Variants in BRPF3 observed in about 807,000 individuals in gnomAD.
BRPF3 encodes bromodomain and PHD finger containing 3, also known as bromodomain and PHD finger-containing protein 3.
Under a neutral mutation model 102.0 loss-of-function variants are expected in BRPF3, and 18 were observed. The observed-to-expected ratio is 0.18, with a 90% CI of 0.12 to 0.26. The LOEUF is 0.26. Among genes scored for constraint, BRPF3 ranks in the 10% least tolerant of loss-of-function variants. The probability of loss-of-function intolerance (pLI) is 1.00; values close to 1 mark genes in which losing one functional copy is unlikely to be tolerated. For synonymous variants in BRPF3, 570 were observed against 614.2 expected (o/e 0.93, Z 1.06); for missense variants, 1,147 against 1,567.8 (o/e 0.73, Z 4.53).
In BRPF3 at chr6:36,201,703, G is replaced by C; in HGVS notation, c.1381G>C (p.Glu461Gln). The change falls in exon 2 of 13, where the codon GAG (glutamate) becomes CAG (glutamine). Residue 461 changes from glutamate (E) to glutamine (Q), a missense_variant. Glu to Gln is a conservative substitution (Grantham distance 29). Transcript: ENST00000357641. The surrounding 1 kb of genome is among the most constrained non-coding windows in gnomAD (Gnocchi z 5.1). Reference sequence around the variant, plus strand: ...GAAGCAGAAGATCAAGAAGGAGCCAGAGGAAGCAGGCCAAGACACACCCTC... The same window carrying C: ...GAAGCAGAAGATCAAGAAGGAGCCACAGGAAGCAGGCCAAGACACACCCTC... ...SLKQKIKKEP[E>Q]EAGQDTPSTL... 1 of 1,614,130 alleles carries C rather than the reference G, an allele frequency of 6.2e-7. No individual in the cohort carries two copies. Among genetic ancestry groups the C allele is most frequent in the Admixed American group, 1.7e-5 (1 of 60,018 alleles).
At chr6:36,223,273 T>G (rs1768614852) in intron 10 of BRPF3, among the ~76,000 whole-genome samples, 1 of 152,218 alleles carries the variant, frequency 6.6e-6, no homozygotes, top group South Asian at 2.1e-4. Flanking sequence ...TCAGTTTCTT[T>G]CTCGTATGTG....
At chr6:36,227,192 T>A (rs543634921) in intron 11 of BRPF3, among the ~76,000 whole-genome samples, 1 of 152,324 alleles carries the variant, frequency 6.6e-6, no homozygotes, top group Admixed American at 6.5e-5. Flanking sequence ...TTTTTAATTT[T>A]TTCTGGCTCT....
chr6:36,211,915 C>T (rs1156907222), intron 7 of BRPF3, among the ~76,000 whole-genome samples: 1 of 152,136 alleles, frequency 6.6e-6, no homozygotes, highest in Non-Finnish European at 1.5e-5. Flanking sequence ...GCACCTGATA[C>T]AGCCGTATTG....
chr6:36,216,125 A>G (rs1173672749), intron 8 of BRPF3, among the ~76,000 whole-genome samples: 1 of 152,190 alleles, frequency 6.6e-6, no homozygotes. Flanking sequence ...CTGTGTAACG[A>G]CAGGAAAATT....
Position 36,218,013 on chromosome 6 carries a change from A to G in BRPF3, c.3083+3A>G, listed in dbSNP as rs200460540. The G allele has an allele frequency of 1.1e-4, 176 of 1,611,362 alleles. 1 individual carries two copies. The East Asian group carries it at 3.9e-3, about 36-fold the overall frequency. On this transcript the variant is annotated splice_donor_region_variant and intron_variant, in intron 9 of 12. Transcript: ENST00000357641. ...GGACTGGCATTTGAAGCTTGCAGGT[A>G]AGAACACATTCCCAAAGCTTTGTCA...
chr6:36,229,470 A>T (rs796980173), intron 12 of BRPF3, among the ~76,000 whole-genome samples: 39 of 152,230 alleles, frequency 2.6e-4, no homozygotes, highest in African/African-American at 8.9e-4. Flanking sequence ...GCCCTGAGGG[A>T]GGGGTGTGGC....
At chr6:36,206,730 C>T (rs759714897) in intron 3 of BRPF3, among the ~76,000 whole-genome samples, 4 of 152,192 alleles carry the variant, frequency 2.6e-5, no homozygotes, top group Non-Finnish European at 5.9e-5. Flanking sequence ...CTGATCTAAC[C>T]TCCACCTACT....
In BRPF3 at chr6:36,211,835, G is replaced by A. The variant is rs147517515; in HGVS notation, c.2482+275G>A. ...CCCCTGTTGTGGATATTTAGTTGCT[G>A]GATTGTGGGGAGTTTCAGGTGCTGC... On this transcript the variant is annotated intron_variant, in intron 7 of 12. Transcript: ENST00000357641. Among the ~76,000 whole-genome samples the A allele has an allele frequency of 4.5e-4, 69 of 152,280 alleles. 1 individual carries two copies. The East Asian group carries it at 0.013, about 28-fold the overall frequency.
chr6:36,199,120 C>T (rs1443551013), intron 1 of BRPF3, among the ~76,000 whole-genome samples: 8 of 152,180 alleles, frequency 5.3e-5, no homozygotes, highest in South Asian at 2.1e-4. Context: ...ACCCCCAGGC[C>T]GCAGACTGTG....
chr6:36,201,609 A>C lies in BRPF3; in HGVS notation c.1287A>C (p.Glu429Asp). 3 of 1,614,144 alleles carry C rather than the reference A, an allele frequency of 1.9e-6. No homozygotes were observed. The highest frequency in any genetic ancestry group is 8.5e-7 in the Non-Finnish European group (1 of 1,179,994). Residue 429 changes from glutamate to aspartate, a missense_variant, in exon 2 of 13, where the codon GAA (glutamate) becomes GAC (aspartate). Glu to Asp is a conservative substitution (Grantham distance 45). Around this residue, in one of 11 missense-constraint regions of BRPF3, gnomAD observed 157 missense variants for 163.6 expected, o/e 0.96. Coordinates refer to ENST00000357641, the MANE Select transcript of BRPF3 (RefSeq NM_015695.3). This position sits in a 1 kb window ranked among gnomAD's most constrained non-coding sequence, Gnocchi z 5.1. ...EEEEEEEVEEEEQEAQGGVSG... is the reference protein window; with the variant it reads ...EEEEEEEVEEDEQEAQGGVSG... Reference sequence around the variant, plus strand: ...AAGAAGAGGAAGAGGTGGAGGAAGAAGAGCAGGAAGCTCAAGGCGGGGTGA... The same window carrying C: ...AAGAAGAGGAAGAGGTGGAGGAAGACGAGCAGGAAGCTCAAGGCGGGGTGA...
chr6:36,208,264 G>A (rs1242302089), intron 4 of BRPF3, among the ~76,000 whole-genome samples: 2 of 152,142 alleles, frequency 1.3e-5, no homozygotes, highest in African/African-American at 4.8e-5. Context: ...TTAATTAAGT[G>A]GATGAAAAGC....
chr6:36,202,417 C>G (rs556775150), intron 2 of BRPF3, among the ~76,000 whole-genome samples: 5 of 140,692 alleles, frequency 3.6e-5, no homozygotes, highest in Admixed American at 2.1e-4. Context: ...TGGACCCCCC[C>G]CCCCTCCGCC....
intron 7 of BRPF3, among the ~76,000 whole-genome samples, chr6:36,212,909 C>T (rs913162878): frequency 1.3e-5 from 2 of 151,936 alleles, no homozygotes; most frequent in East Asian, 3.9e-4. Context: ...GCCGAGATTG[C>T]GCCACTGTAG....
chr6:36,215,389 C>T (rs1231655272), intron 8 of BRPF3, among the ~76,000 whole-genome samples: 1 of 152,216 alleles, frequency 6.6e-6, no homozygotes, highest in African/African-American at 2.4e-5. Context: ...GGATTACAGG[C>T]ATGAGCCACC....
chr6:36,210,132 TGAG>T lies in BRPF3; in HGVS notation c.1867-79_1867-77del, dbSNP rs1265281213. ...AGCCTGGCATGGCCAAATCAGAAAT[TGAG>T]GAGGCCAAGAGTATTGGTGAAGGGT... On this transcript the variant is annotated intron_variant, in intron 5 of 12. Transcript: ENST00000357641. The surrounding 1 kb of genome is among the most constrained non-coding windows in gnomAD (Gnocchi z 4.7). 15 of 1,540,208 alleles carry T rather than the reference TGAG, an allele frequency of 9.7e-6. No individual in the cohort carries two copies. Among genetic ancestry groups the T allele is most frequent in the Admixed American group, 6.9e-5 (4 of 57,658 alleles).
intron 9 of BRPF3, among the ~76,000 whole-genome samples, chr6:36,219,376 G>A (rs1768452046): frequency 3.9e-5 from 6 of 152,182 alleles, no homozygotes; most frequent in Admixed American, 3.9e-4. Context: ...CTTACACGAT[G>A]CTTCTAGCCT....
In BRPF3 at chr6:36,228,991, G is replaced by C. The variant is rs532762364; in HGVS notation, c.3369G>C (p.Glu1123Asp). ...CGCTGGACGTGCTGAAGCTGGGAGA[G>C]CAGAAACAGGCAGAGGCTGGAGAGA... ...VPPLDVLKLG[E>D]QKQAEAGEKL... is the part of the protein sequence containing the mutation. The change falls in exon 12 of 13, where the codon GAG (glutamate) becomes GAC (aspartate). Residue 1123 changes from glutamate (E) to aspartate (D), a missense_variant. Physicochemically the swap from Glu to Asp is conservative, Grantham distance 45. This residue lies in a region of BRPF3 where 85 missense variants were observed against 172.9 expected (regional missense o/e 0.49). Transcript: ENST00000357641. 1 of 1,614,236 alleles carries C rather than the reference G, an allele frequency of 6.2e-7. No homozygotes were observed. Among genetic ancestry groups the C allele is most frequent in the East Asian group, 2.2e-5 (1 of 44,884 alleles).
At chr6:36,197,447 ATGT>A (rs1158527465) in intron 1 of BRPF3, 1 of 152,026 alleles carries the variant, frequency 6.6e-6, no homozygotes, top group Non-Finnish European at 1.5e-5. Flanking sequence ...CTCTGAGGAG[ATGT>A]TATTTCCCTC....
Position 36,214,045 on chromosome 6 carries a change from T to C in BRPF3, c.2648T>C (p.Leu883Ser). The stretch of plus-strand genomic sequence containing the variant: ...AGAAAGGTGGAAGAAGATGAGCTCT[T>C]GGAAAAATCACCACTGCAGCTAGGG... ...KPRKVEEDEL[L>S]EKSPLQLGNE... Residue 883 changes from leucine to serine, a missense_variant, in exon 8 of 13, where the codon TTG (leucine) becomes TCG (serine). Transcript: ENST00000357641. The C allele has an allele frequency of 3.1e-6, 5 of 1,614,140 alleles. No individual in the cohort carries two copies. Among genetic ancestry groups the C allele is most frequent in the Non-Finnish European group, 4.2e-6 (5 of 1,180,018 alleles).
Sources: gnomAD v4.1 joint callset for allele counts (sites outside exome capture counted in the v4.1 genomes callset) on GRCh38, gnomAD v4.1.1 for gene constraint, gnomAD v4.1.1 regional missense constraint, Gnocchi (gnomAD v3.1) non-coding constraint, MANE v1.5 for transcripts, NCBI Gene and HGNC (gene_info 2026-07-23, HGNC 2026-07-21) for gene names.